Variants in CTNNA3 observed in about 807,000 individuals in gnomAD.
CTNNA3 encodes the protein catenin alpha 3, also known as catenin alpha-3.
In CTNNA3, 76 loss-of-function variants were observed where a neutral mutation model predicts 95.7. The ratio of observed to expected loss-of-function variants is 0.79; its 90% confidence interval spans 0.66 to 0.96. The LOEUF (loss-of-function observed/expected upper bound fraction) is 0.96, where lower values mean the gene tolerates loss of function less well. Among genes scored for constraint, CTNNA3 ranks in the 40% least tolerant of loss-of-function variants. The probability of loss-of-function intolerance (pLI) is 0.00; values close to 1 mark genes in which losing one functional copy is unlikely to be tolerated. For synonymous variants in CTNNA3, 431 were observed against 374.4 expected (o/e 1.15, Z -1.74); for missense variants, 1,191 against 1,089.8 (o/e 1.09, Z -1.31).
chr10:65,955,049 C>A (rs954944106), intron 17 of CTNNA3, among the ~76,000 whole-genome samples: 4 of 152,058 alleles, frequency 2.6e-5, no homozygotes, highest in Admixed American at 2.0e-4. Context: ...TGTTTGTGTC[C>A]TCTTTTATTT....
intron 5 of CTNNA3, among the ~76,000 whole-genome samples, chr10:67,257,003 A>G (rs528849657): frequency 6.6e-6 from 1 of 152,332 alleles, no homozygotes; most frequent in African/African-American, 2.4e-5. Context: ...CTAAGATTTT[A>G]TGCTTATAGA....
At chr10:67,243,520 T>C (rs559392336) in intron 5 of CTNNA3, among the ~76,000 whole-genome samples, 4 of 152,206 alleles carry the variant, frequency 2.6e-5, no homozygotes, top group African/African-American at 7.2e-5. Context: ...AATCTGGTCA[T>C]CACTCCTCCA....
At chr10:67,703,689 G>A (rs1420727775) in intron 1 of CTNNA3, among the ~76,000 whole-genome samples, 2 of 152,168 alleles carry the variant, frequency 1.3e-5, no homozygotes, top group African/African-American at 4.8e-5. Context: ...GGCAAACACT[G>A]GAAGCATTGC....
Position 65,917,096 on chromosome 10 carries a change from A to G in CTNNA3, c.*3234T>C, listed in dbSNP as rs2077016339. On this transcript the variant is annotated 3_prime_UTR_variant, in exon 18 of 18. Transcript: ENST00000433211. ...AGCTATGGAGGACCTTATTCCCTGT[A>G]CATAAGAGATTTTTATGGGGAACAA... is the stretch of plus-strand genomic sequence containing the variant. The G allele has an allele frequency of 1.3e-5, 2 of 152,334 alleles. No individual in the cohort carries two copies. Among genetic ancestry groups the G allele is most frequent in the African/African-American group, 2.4e-5 (1 of 41,582 alleles). 9.4% of individuals were successfully genotyped at this position (152,334 alleles called of 1,614,324 possible).
At chr10:67,302,065 AAGAAAGAAAGAAAGAAAG>A (rs1313255580) in intron 5 of CTNNA3, among the ~76,000 whole-genome samples, 5 of 91,276 alleles carry the variant, frequency 5.5e-5, no homozygotes, top group African/African-American at 3.2e-4. Flanking sequence ...GAAAGAAAGA[AAGAAAGAAAGAAAGAAAG>A]AAAGAAAGAA....
At chr10:67,400,424 A>T (rs562326519) in intron 5 of CTNNA3, among the ~76,000 whole-genome samples, 1 of 152,334 alleles carries the variant, frequency 6.6e-6, no homozygotes, top group African/African-American at 2.4e-5. Flanking sequence ...TCTTGTGTTG[A>T]TTATGAGAAC....
intron 13 of CTNNA3, among the ~76,000 whole-genome samples, chr10:66,103,875 G>GGATA (rs1268082109): frequency 2.0e-5 from 3 of 152,018 alleles, no homozygotes; most frequent in African/African-American, 7.2e-5. Flanking sequence ...GAGTTTTATG[G>GGATA]TATATGAATT....
chr10:66,755,383 C>A (rs1367824576), intron 9 of CTNNA3, among the ~76,000 whole-genome samples: 1 of 151,976 alleles, frequency 6.6e-6, no homozygotes, highest in African/African-American at 2.4e-5. Flanking sequence ...GTGATAGTTG[C>A]ACAACTCTGT....
intron 7 of CTNNA3, among the ~76,000 whole-genome samples, chr10:67,058,140 G>T (rs1020193647): frequency 1.3e-5 from 2 of 151,914 alleles, no homozygotes; most frequent in African/African-American, 4.8e-5. Flanking sequence ...TTAATACCTC[G>T]AATTACAGTT....
intron 17 of CTNNA3, among the ~76,000 whole-genome samples, chr10:65,956,523 TTAGTGC>T (rs1169491153): frequency 6.6e-6 from 1 of 152,184 alleles, no homozygotes; most frequent in Admixed American, 6.5e-5. Context: ...TTGTGGGCAT[TTAGTGC>T]TATAAATTTC....
At chr10:67,496,945 A>G (rs145882617) in intron 5 of CTNNA3, among the ~76,000 whole-genome samples, 56 of 152,086 alleles carry the variant, frequency 3.7e-4, no homozygotes, top group Admixed American at 2.6e-3. Context: ...TTTTTAAAAA[A>G]ATTACACTTT....
At chr10:66,252,878 T>C (rs146922158) in intron 13 of CTNNA3, among the ~76,000 whole-genome samples, 1 of 152,340 alleles carries the variant, frequency 6.6e-6, no homozygotes, top group African/African-American at 2.4e-5. Flanking sequence ...TTCATATTTA[T>C]TATCTTTATT....
Position 66,103,139 on chromosome 10 carries a change from C to G in CTNNA3, c.1977+18G>C, listed in dbSNP as rs574293198. 8.8e-5 allele frequency: 140 copies of G among 1,599,026 alleles called. 1 individual carries two copies. The South Asian group carries it at 1.5e-3, about 17-fold the overall frequency. ...AGTGACACAGTACATGGTTCTCCCA[C>G]CAGTTGAAGTGACATACCCTATCAG... is the stretch of plus-strand genomic sequence containing the variant. On this transcript the variant is annotated intron_variant, in intron 14 of 17. Transcript: ENST00000433211.
chr10:66,845,710 A>AGAAATAAATAAATAAAT (rs1248827088), intron 7 of CTNNA3, among the ~76,000 whole-genome samples: 1 of 85,968 alleles, frequency 1.2e-5, no homozygotes, highest in Non-Finnish European at 2.1e-5. Flanking sequence ...TCTCAAAAAA[A>AGAAATAAATAAATAAAT]AAAAAAAAAA....
At chr10:67,720,499 T>C (rs2133618903) in intron 1 of CTNNA3, among the ~76,000 whole-genome samples, 1 of 152,198 alleles carries the variant, frequency 6.6e-6, no homozygotes, top group Admixed American at 6.5e-5. Flanking sequence ...GTACCAGTTG[T>C]TCCTTTCCAT....
intron 13 of CTNNA3, among the ~76,000 whole-genome samples, chr10:66,258,251 TCTC>T (rs2090866892): frequency 1.3e-5 from 2 of 152,158 alleles, no homozygotes; most frequent in African/African-American, 4.8e-5. Flanking sequence ...ATACAAAGTA[TCTC>T]CTTCTAAGGT....
chr10:66,193,840 T>C (rs1175428111), intron 13 of CTNNA3, among the ~76,000 whole-genome samples: 1 of 152,166 alleles, frequency 6.6e-6, no homozygotes, highest in Non-Finnish European at 1.5e-5. Context: ...GAGTGCATAA[T>C]ACTCATTGAA....
intron 7 of CTNNA3, among the ~76,000 whole-genome samples, chr10:66,878,274 G>A (rs1404356576): frequency 6.6e-6 from 1 of 152,056 alleles, no homozygotes; most frequent in East Asian, 1.9e-4. Flanking sequence ...ATACAATAGA[G>A]TTCTAAATCC....
intron 5 of CTNNA3, among the ~76,000 whole-genome samples, chr10:67,438,341 T>C (rs914405838): frequency 1.6e-4 from 24 of 152,174 alleles, no homozygotes; most frequent in African/African-American, 5.5e-4. Flanking sequence ...CTCAGGACAG[T>C]ATCTGACACA....
Sources: allele counts gnomAD v4.1 joint callset (sites outside exome capture counted in the v4.1 genomes callset), GRCh38; gene constraint gnomAD v4.1.1; transcripts MANE v1.5; gene names NCBI Gene and HGNC (gene_info 2026-07-23, HGNC 2026-07-21).